TEX2: variants seen among roughly 807,000 people sequenced by gnomAD.
TEX2 encodes the protein testis-expressed protein 2.
In TEX2, 53 loss-of-function variants were observed where a neutral mutation model predicts 106.9. The observed-to-expected ratio is 0.50, with a 90% CI of 0.40 to 0.62. The LOEUF (loss-of-function observed/expected upper bound fraction) is 0.62. Among genes scored for constraint, TEX2 ranks in the 20% least tolerant of loss-of-function variants. The pLI, the probability that TEX2 is intolerant of heterozygous loss-of-function variation, is 0.00. For synonymous variants in TEX2, 523 were observed against 534.8 expected (o/e 0.98, Z 0.30); for missense variants, 1,207 against 1,379.0 (o/e 0.88, Z 1.98).
In TEX2 at chr17:64,148,976, TG is replaced by T; in HGVS notation, c.3376del (p.Gln1126SerfsTer5). 6.2e-7 allele frequency: 1 copy of T among 1,614,196 alleles called. No individual in the cohort carries two copies. The highest frequency in any genetic ancestry group is 8.5e-7 in the Non-Finnish European group (1 of 1,180,026). ...LKDPPVEAAD[Q>X]P ...AACATCTGACATCACCCATCATGGC[TG>T]ATCAGCAGCCTCCACAGGTGGGTCT... On this transcript the variant is annotated frameshift_variant, in exon 12 of 12. Transcript: ENST00000584379. LOFTEE classifies it high-confidence loss of function.
chr17:64,168,352 G>A (rs892829663), intron 7 of TEX2, among the ~76,000 whole-genome samples: 2 of 152,056 alleles, frequency 1.3e-5, no homozygotes, highest in Non-Finnish European at 2.9e-5. Context: ...TGTCTTTATC[G>A]TTCCTTTAAT....
chr17:64,223,884 G>GT (rs1471604935), intron 1 of TEX2, among the ~76,000 whole-genome samples: 1 of 151,972 alleles, frequency 6.6e-6, no homozygotes, highest in Non-Finnish European at 1.5e-5. Context: ...CCTGACTAAT[G>GT]TTTTTTATTT....
At position 64,195,001 on chromosome 17, in the gene TEX2, C is replaced by T. The variant is rs566517528; in HGVS notation, c.1739G>A (p.Arg580Lys). 6.2e-7 allele frequency: 1 copy of T among 1,614,116 alleles called. No homozygotes were observed. The highest frequency in any genetic ancestry group is 1.1e-5 in the South Asian group (1 of 91,076). Residue 580 changes from arginine (R) to lysine (K), a missense_variant, in exon 3 of 12, where the codon AGA becomes AAA. Around this residue, in one of 3 missense-constraint regions of TEX2, gnomAD observed 1,067 missense variants for 1,193.6 expected, o/e 0.89. Transcript: ENST00000584379. The surrounding 1 kb of genome is among the most constrained non-coding windows in gnomAD (Gnocchi z 4.1). The stretch of plus-strand genomic sequence containing the variant: ...TATATTTTTATTGGGCTTTGAAAGT[C>T]TTAAGGTTCCACCCTCAAGTCGAAC... ...VFVRLEGGTL[R>K]LSKPNKNISR... is the part of the protein sequence containing the mutation.
At chr17:64,152,379 AT>A (rs1335889988) in intron 10 of TEX2, among the ~76,000 whole-genome samples, 1 of 152,090 alleles carries the variant, frequency 6.6e-6, no homozygotes, top group Non-Finnish European at 1.5e-5. Flanking sequence ...TCCCCAGGTG[AT>A]TTTAACATGC....
At chr17:64,225,030 AATG>A (rs1350205412) in intron 1 of TEX2, among the ~76,000 whole-genome samples, 1 of 152,152 alleles carries the variant, frequency 6.6e-6, no homozygotes, top group African/African-American at 2.4e-5. Flanking sequence ...TAGAATAAGT[AATG>A]ATAACTCAGG....
rs534254120 is a variant in TEX2, at chr17:64,206,325, C to G, written c.1644+6249G>C. On this transcript the variant is annotated intron_variant, in intron 2 of 11. Coordinates refer to ENST00000584379, the MANE Select transcript of TEX2 (RefSeq NM_001288732.2). ...GCTAACCTGCCCAGCCCACCATGCTCTAAGTCCTATGAGCTTCTTCTCACA... is the reference window on the plus strand; with the variant it reads ...GCTAACCTGCCCAGCCCACCATGCTGTAAGTCCTATGAGCTTCTTCTCACA... Among the ~76,000 whole-genome samples, 7 of 152,350 alleles carry G rather than the reference C, an allele frequency of 4.6e-5. No individual in the cohort carries two copies. In the South Asian group the frequency reaches 1.4e-3, roughly 32 times the overall value.
chr17:64,193,400 C>T (rs1201526329), intron 4 of TEX2, among the ~76,000 whole-genome samples, 159 bp downstream of exon 4: 1 of 152,178 alleles, frequency 6.6e-6, no homozygotes, highest in Non-Finnish European at 1.5e-5. Context: ...AGTGATCAGC[C>T]TAGATGGTAA....
chr17:64,196,982 A>ATTTTTTTTTTTTT lies in TEX2; in HGVS notation c.1645-1900_1645-1888dup, dbSNP rs59960456. Among the ~76,000 whole-genome samples, 155 of 63,576 alleles carry ATTTTTTTTTTTTT rather than the reference A, an allele frequency of 2.4e-3. 14 individuals are homozygous for ATTTTTTTTTTTTT. Among genetic ancestry groups the ATTTTTTTTTTTTT allele is most frequent in the East Asian group, 3.8e-3 (6 of 1,570 alleles). 41.7% of individuals were successfully genotyped at this position (63,576 alleles called of 152,430 possible). On this transcript the variant is annotated intron_variant, in intron 2 of 11. Coordinates refer to ENST00000584379, the MANE Select transcript of TEX2 (RefSeq NM_001288732.2). ...GAAATCAGGGAATAGTCAAATCAAG[A>ATTTTTTTTTTTTT]TTTTTTTTTTTTTTTTTTTTTTTTG... is the stretch of plus-strand genomic sequence containing the variant.
At chr17:64,259,520 T>C (rs1178515737) in intron 1 of TEX2, among the ~76,000 whole-genome samples, 1 of 152,242 alleles carries the variant, frequency 6.6e-6, no homozygotes, top group Non-Finnish European at 1.5e-5. Context: ...GGGAGCTGTC[T>C]GTCCATGGCT....
chr17:64,189,528 A>C (rs754613578), intron 4 of TEX2, among the ~76,000 whole-genome samples: 1 of 152,158 alleles, frequency 6.6e-6, no homozygotes, highest in South Asian at 2.1e-4. Flanking sequence ...GGAAATGAGG[A>C]TGGAGAGATT....
chr17:64,172,843 C>T (rs747057816), intron 6 of TEX2, among the ~76,000 whole-genome samples: 6 of 152,076 alleles, frequency 3.9e-5, no homozygotes, highest in Non-Finnish European at 5.9e-5. Flanking sequence ...CAAATCTATC[C>T]GTAGGAATTT....
Position 64,195,002 on chromosome 17 carries a change from T to G in TEX2, c.1738A>C (p.Arg580=). The G allele has an allele frequency of 1.2e-6, 2 of 1,614,178 alleles. No individual in the cohort carries two copies. Among genetic ancestry groups the G allele is most frequent in the Non-Finnish European group, 8.5e-7 (1 of 1,180,018 alleles). The change falls in exon 3 of 12, where the codon AGA becomes CGA. Residue 580 remains arginine, a synonymous_variant. Coordinates refer to ENST00000584379, the MANE Select transcript of TEX2 (RefSeq NM_001288732.2). The surrounding 1 kb of genome is among the most constrained non-coding windows in gnomAD (Gnocchi z 4.1). The part of the protein sequence containing the change: ...VFVRLEGGTL[R]LSKPNKNISR... ...ATATTTTTATTGGGCTTTGAAAGTC[T>G]TAAGGTTCCACCCTCAAGTCGAACA...
At chr17:64,244,506 A>G (rs1170353575) in intron 1 of TEX2, among the ~76,000 whole-genome samples, 4 of 152,142 alleles carry the variant, frequency 2.6e-5, no homozygotes, top group Admixed American at 2.6e-4. Flanking sequence ...CTTCCCAAGA[A>G]AGATCAAAAT....
At position 64,177,410 on chromosome 17, in the gene TEX2, C is replaced by G; in HGVS notation, c.2486G>C (p.Gly829Ala). 2 of 1,614,192 alleles carry G rather than the reference C, an allele frequency of 1.2e-6. No homozygotes were observed. The highest frequency in any genetic ancestry group is 1.7e-6 in the Non-Finnish European group (2 of 1,180,034). Reference sequence around the variant, plus strand: ...TCCTAAGAAGTCCCAAAATATTCTTCCAAGCAAGGCATTCACCCAGGCTTC... The same window carrying G: ...TCCTAAGAAGTCCCAAAATATTCTTGCAAGCAAGGCATTCACCCAGGCTTC... ...EQEAWVNALL[G>A]RIFWDFLGEK... is the part of the protein sequence containing the mutation. The change falls in exon 6 of 12, where the codon GGA becomes GCA. Residue 829 changes from glycine to alanine, a missense_variant. Physicochemically the swap from Gly to Ala is moderately conservative, Grantham distance 60 (BLOSUM62 0). Coordinates refer to ENST00000584379, the MANE Select transcript of TEX2 (RefSeq NM_001288732.2).
intron 1 of TEX2, among the ~76,000 whole-genome samples, chr17:64,226,401 A>G (rs2143257303): frequency 6.6e-6 from 1 of 152,372 alleles, no homozygotes; most frequent in Non-Finnish European, 1.5e-5. Context: ...AAAATTTTAA[A>G]GGCAAATCTT....
Position 64,262,320 on chromosome 17 carries a change from C to T in TEX2, c.-26+848G>A, listed in dbSNP as rs1460393407. On this transcript the variant is annotated intron_variant, in intron 1 of 11. Coordinates refer to ENST00000584379, the MANE Select transcript of TEX2 (RefSeq NM_001288732.2). Reference sequence around the variant, plus strand: ...AGGGTGGAAACAGACTTTGCCCTTACATTTGACGCCCAGTAACCATAACAA... The same window carrying T: ...AGGGTGGAAACAGACTTTGCCCTTATATTTGACGCCCAGTAACCATAACAA... Among the ~76,000 whole-genome samples, 4 of 152,352 alleles carry T rather than the reference C, an allele frequency of 2.6e-5. No individual in the cohort carries two copies. The South Asian group carries it at 8.3e-4, about 32-fold the overall frequency.
In TEX2 at chr17:64,212,889, A is replaced by G; in HGVS notation, c.1329T>C (p.Pro443=). 1 of 1,614,136 alleles carries G rather than the reference A, an allele frequency of 6.2e-7. No homozygotes were observed. The highest frequency in any genetic ancestry group is 8.5e-7 in the Non-Finnish European group (1 of 1,180,038). Residue 443 remains proline (P), a synonymous_variant, in exon 2 of 12, where the codon CCT becomes CCC. Transcript: ENST00000584379. ...CTTCCGCGAGCACCTCTGGCTTGAG[A>G]GGAATATCTGAGAGCTTATCAACTT... ...ESKVDKLSDI[P]LKPEVLAEDG...
chr17:64,177,253 A>C, intron 6 of TEX2, 72 bp downstream of exon 6: 1 of 1,576,400 alleles, frequency 6.3e-7, no homozygotes, highest in East Asian at 2.2e-5. Flanking sequence ...TTCACTTAGG[A>C]CATAAGGGTA....
intron 1 of TEX2, among the ~76,000 whole-genome samples, chr17:64,222,624 T>TA (rs1174529910): frequency 6.6e-6 from 1 of 151,810 alleles, no homozygotes; most frequent in Non-Finnish European, 1.5e-5. Context: ...ATCACTATTT[T>TA]AAAAAATAAA....
Sources: gnomAD v4.1 joint callset for allele counts (sites outside exome capture counted in the v4.1 genomes callset) on GRCh38, gnomAD v4.1.1 for gene constraint, gnomAD v4.1.1 regional missense constraint, Gnocchi (gnomAD v3.1) non-coding constraint, MANE v1.5 for transcripts, NCBI Gene and HGNC (gene_info 2026-07-23, HGNC 2026-07-21) for gene names.